SLC9A6: variants seen among roughly 807,000 people sequenced by gnomAD.
SLC9A6 encodes the protein sodium/hydrogen exchanger 6.
SLC9A6 carries 6 observed loss-of-function variants against 45.3 expected under a neutral mutation model. The observed-to-expected ratio is 0.13, with a 90% CI of 0.07 to 0.26. The LOEUF is 0.26. Ranked by LOEUF, SLC9A6 falls within the 10% of genes least tolerant of loss-of-function variation. The pLI, the probability that SLC9A6 is intolerant of heterozygous loss-of-function variation, is 1.00. For missense variants in SLC9A6, 278 were observed against 503.7 expected, an observed-to-expected ratio of 0.55 and a Z score of 4.29; for synonymous variants, 191 against 187.7, an observed-to-expected ratio of 1.02 and a Z score of -0.14.
intron 17 of SLC9A6, among the ~76,000 whole-genome samples, chrX:136,041,131 AAG>A: frequency 9.0e-6 from 1 of 111,709 alleles, no homozygotes; most frequent in Middle Eastern, 4.6e-3. Context: ...AGAAAAAAAA[AAG>A]AAAAAGAAAA....
intron 2 of SLC9A6, among the ~76,000 whole-genome samples, chrX:135,991,951 C>T (rs1364233075): frequency 1.8e-5 from 2 of 111,049 alleles, no homozygotes; most frequent in Non-Finnish European, 1.9e-5. Flanking sequence ...GCTCCCCTGG[C>T]GATCTCATCT....
At chrX:135,982,486 C>CT (rs1195390279), upstream of SLC9A6, among the ~76,000 whole-genome samples, 701 of 94,933 alleles carry the variant, frequency 7.4e-3, 2 homozygotes, top group South Asian at 0.013. Context: ...GGTCAATTCG[C>CT]TTTTTTTTTT....
At chrX:135,994,280 A>G (rs1320431235) in intron 2 of SLC9A6, among the ~76,000 whole-genome samples, 4 of 109,164 alleles carry the variant, frequency 3.7e-5, no homozygotes, top group African/African-American at 1.0e-4. Flanking sequence ...GATTTTTTGT[A>G]TCTTAGTAGA....
intron 17 of SLC9A6, among the ~76,000 whole-genome samples, chrX:136,043,484 C>A (rs2071547679): frequency 9.0e-6 from 1 of 111,710 alleles, no homozygotes; most frequent in South Asian, 3.7e-4. Flanking sequence ...TGGTCTTAGA[C>A]AAATTCAAAA....
intron 11 of SLC9A6, among the ~76,000 whole-genome samples, chrX:136,018,661 A>G (rs1219658954): frequency 8.9e-6 from 1 of 112,064 alleles, no homozygotes; most frequent in Non-Finnish European, 1.9e-5. Flanking sequence ...TCAGAGTGGG[A>G]TAGTTGAACA....
chrX:135,985,907 C>T (rs1556614894), intron 2 of SLC9A6, 80 bp downstream of exon 2: 3 of 1,096,686 alleles, frequency 2.7e-6, no homozygotes, highest in Non-Finnish European at 3.7e-6. Context: ...TCTGCTGGCC[C>T]TGCTCGGCCT....
chrX:136,012,890 A>AT (rs2070950142), intron 8 of SLC9A6, 59 bp from the exon 9 acceptor site: 3 of 892,445 alleles, frequency 3.4e-6, no homozygotes, highest in East Asian at 3.1e-5. Context: ...TTAAACTGTT[A>AT]TTTTTTCTAG....
At chrX:135,994,650 C>T in intron 2 of SLC9A6, 136 bp from the exon 3 acceptor site, 1 of 576,431 alleles carries the variant, frequency 1.7e-6, no homozygotes, top group Non-Finnish European at 3.1e-6. Flanking sequence ...TAAAACATAA[C>T]TGCATTTCAT....
In SLC9A6 at chrX:136,030,564, G is replaced by C. The variant is rs989763325; in HGVS notation, c.1581+402G>C. On this transcript the variant is annotated intron_variant, in intron 15 of 17. Transcript: ENST00000630721. ...GCTCTTCCTGTGTAACTTTCAAATC[G>C]AATGACCAGCAGCTGCCCTAGAGAA... 8 of 176,709 alleles carry C rather than the reference G, an allele frequency of 4.5e-5. No homozygotes were observed. In the East Asian group the frequency reaches 1.1e-3, roughly 24 times the overall value. The allele number at this position is 176,709 out of a possible 1,213,427, so 14.6% of individuals were successfully genotyped here. A position where few individuals can be genotyped will look rare whatever the true frequency, so the allele number is the denominator to read the frequency against.
chrX:136,036,769 T>C (rs1232392638), intron 16 of SLC9A6, among the ~76,000 whole-genome samples: 2 of 113,111 alleles, frequency 1.8e-5, no homozygotes, highest in African/African-American at 6.4e-5. Flanking sequence ...TAGTGTTTTC[T>C]GTGTCTTAAG....
Position 135,994,767 on chromosome X carries a change from A to T in SLC9A6, c.170-19A>T. On this transcript the variant is annotated intron_variant, in intron 2 of 17. Coordinates refer to ENST00000630721, the MANE Select transcript of SLC9A6 (RefSeq NM_001379110.1). Reference sequence around the variant, plus strand: ...TGGTCTCTGTCGGCAAGAAGAGCTTATGTTGTTCTTTTTTCCAGGTCTTTT... The same window carrying T: ...TGGTCTCTGTCGGCAAGAAGAGCTTTTGTTGTTCTTTTTTCCAGGTCTTTT... The T allele has an allele frequency of 8.3e-7, 1 of 1,202,780 alleles. No individual in the cohort carries two copies. Among genetic ancestry groups the T allele is most frequent in the Non-Finnish European group, 1.1e-6 (1 of 887,299 alleles).
intron 7 of SLC9A6, among the ~76,000 whole-genome samples, chrX:136,004,015 A>G (rs1243318573): frequency 9.2e-6 from 1 of 108,864 alleles, no homozygotes; most frequent in Non-Finnish European, 1.9e-5. Flanking sequence ...ACATGTTACT[A>G]TAAGGTGTTT....
In SLC9A6 at chrX:136,044,738, CACTT is replaced by C; in HGVS notation, c.*16_*19del. 1 of 1,205,320 alleles carries C rather than the reference CACTT, an allele frequency of 8.3e-7. No homozygotes were observed. The highest frequency in any genetic ancestry group is 1.1e-6 in the Non-Finnish European group (1 of 889,670). On this transcript the variant is annotated 3_prime_UTR_variant, in exon 18 of 18. Coordinates refer to ENST00000630721, the MANE Select transcript of SLC9A6 (RefSeq NM_001379110.1). ...GGTCCAGCCTAAGCTTACTAATACT[CACTT>C]AGTGATTTGTAAAATTTGCACATGT...
In SLC9A6 at chrX:135,998,391, A is replaced by G; in HGVS notation, c.448-91A>G. ...ATAATGCATTTAATCCTAGTGAATA[A>G]TGCATTTCATATTAGCATAGCATAG... On this transcript the variant is annotated intron_variant, in intron 4 of 17. Transcript: ENST00000630721. 6.2e-6 allele frequency: 4 copies of G among 642,833 alleles called. No individual in the cohort carries two copies. The South Asian group carries it at 1.1e-4, about 18-fold the overall frequency. 53.0% of individuals were successfully genotyped at this position (642,833 alleles called of 1,213,427 possible).
chrX:135,996,845 C>A (rs1404691058), intron 3 of SLC9A6, among the ~76,000 whole-genome samples: 1 of 109,001 alleles, frequency 9.2e-6, no homozygotes, highest in Non-Finnish European at 1.9e-5. Context: ...CGGCTCATTG[C>A]AAGCTCTGCC....
upstream of SLC9A6, chrX:135,973,998 C>G (rs1271156528): frequency 2.5e-6 from 2 of 812,214 alleles, no homozygotes; most frequent in East Asian, 1.3e-4. Context: ...GGAAGGGCGC[C>G]GGCAAATGGG....
upstream of SLC9A6, chrX:135,973,872 G>A: frequency 5.2e-6 from 6 of 1,157,526 alleles, no homozygotes; most frequent in Non-Finnish European, 6.9e-6. Flanking sequence ...AAAGCTACAC[G>A]GAAAAAGGTC....
At chrX:135,990,973 C>T (rs2089421517) in intron 2 of SLC9A6, among the ~76,000 whole-genome samples, 1 of 111,228 alleles carries the variant, frequency 9.0e-6, no homozygotes, top group Non-Finnish European at 1.9e-5. Context: ...CTGTCTCATA[C>T]AGGCAGAACG....
intron 2 of SLC9A6, among the ~76,000 whole-genome samples, chrX:135,987,663 T>C (rs2089360753): frequency 9.0e-6 from 1 of 110,960 alleles, no homozygotes; most frequent in Admixed American, 9.7e-5. Flanking sequence ...TTTTTTTTCT[T>C]TTTATAAAGT....
Sources: allele counts gnomAD v4.1 joint callset (sites outside exome capture counted in the v4.1 genomes callset), GRCh38; gene constraint gnomAD v4.1.1; transcripts MANE v1.5; gene names NCBI Gene and HGNC (gene_info 2026-07-23, HGNC 2026-07-21).